ARFIP1: variants seen among roughly 807,000 people sequenced by gnomAD.
The protein encoded by ARFIP1 is arfaptin-1.
A neutral mutation model predicts 42.5 loss-of-function variants in ARFIP1; 24 were observed. That is an observed-to-expected ratio of 0.57 (90% confidence interval 0.41 to 0.80). ARFIP1 has a LOEUF of 0.80. Ranked by LOEUF, ARFIP1 falls within the 30% of genes least tolerant of loss-of-function variation. The pLI is 0.00. For synonymous variants in ARFIP1, 141 were observed against 153.7 expected, an observed-to-expected ratio of 0.92 and a Z score of 0.61; for missense variants, 354 against 434.0, an observed-to-expected ratio of 0.82 and a Z score of 1.64.
chr4:152,882,563 G>T (rs1285090216), intron 6 of ARFIP1, among the ~76,000 whole-genome samples, 160 bp from the exon 7 acceptor site: 4 of 152,152 alleles, frequency 2.6e-5, no homozygotes, highest in African/African-American at 7.2e-5. Context: ...TATATGGCTA[G>T]CTGTGATTTC....
intron 8 of ARFIP1, among the ~76,000 whole-genome samples, chr4:152,899,360 C>G (rs1272388923): frequency 6.6e-6 from 1 of 152,194 alleles, no homozygotes; most frequent in African/African-American, 2.4e-5. Context: ...CTACCCCTAA[C>G]TGTAACTATG....
intron 1 of ARFIP1, among the ~76,000 whole-genome samples, chr4:152,804,500 A>ATAAT (rs1554022307): frequency 9.1e-4 from 111 of 121,480 alleles, no homozygotes; most frequent in East Asian, 1.7e-3. Flanking sequence ...ATATATATAT[A>ATAAT]ATATATATAT....
intron 8 of ARFIP1, among the ~76,000 whole-genome samples, chr4:152,905,550 T>TTTTTTTTTTTG (rs1738265490): frequency 1.9e-5 from 2 of 105,224 alleles, no homozygotes; most frequent in Admixed American, 1.0e-4. Flanking sequence ...GAATTGTTTT[T>TTTTTTTTTTTG]TTTTTTTTTT....
intron 3 of ARFIP1, among the ~76,000 whole-genome samples, chr4:152,865,922 G>T (rs1182171971): frequency 6.6e-6 from 1 of 151,976 alleles, no homozygotes; most frequent in Non-Finnish European, 1.5e-5. Flanking sequence ...CGCAGAGGGG[G>T]ATTTGGCAGG....
chr4:152,853,402 T>A (rs1481435457), intron 2 of ARFIP1, among the ~76,000 whole-genome samples: 1 of 152,216 alleles, frequency 6.6e-6, no homozygotes, highest in East Asian at 1.9e-4. Context: ...TGGGAAAGAC[T>A]TTATTTCTCC....
At chr4:152,823,844 G>T (rs955690446) in intron 1 of ARFIP1, among the ~76,000 whole-genome samples, 5 of 144,570 alleles carry the variant, frequency 3.5e-5, no homozygotes, top group Non-Finnish European at 7.5e-5. Flanking sequence ...CCAAAAACTC[G>T]AGAAGGAGGG....
intron 7 of ARFIP1, among the ~76,000 whole-genome samples, chr4:152,884,924 T>G (rs1037767704): frequency 2.0e-5 from 3 of 152,112 alleles, no homozygotes; most frequent in African/African-American, 7.2e-5. Flanking sequence ...ACTTGGTGGC[T>G]GGTTTCTTAA....
At chr4:152,864,344 A>C (rs900618577) in intron 3 of ARFIP1, among the ~76,000 whole-genome samples, 3 of 152,204 alleles carry the variant, frequency 2.0e-5, no homozygotes, top group Non-Finnish European at 4.4e-5. Context: ...CAAATCAGCA[A>C]TTTGCTAGGA....
At chr4:152,852,510 A>G (rs780274619) in intron 2 of ARFIP1, among the ~76,000 whole-genome samples, 2 of 151,972 alleles carry the variant, frequency 1.3e-5, no homozygotes, top group East Asian at 1.9e-4. Flanking sequence ...GCGTGTGCCT[A>G]TATTCCCAGC....
At chr4:152,895,541 T>G (rs2149904037) in intron 8 of ARFIP1, among the ~76,000 whole-genome samples, 1 of 144,808 alleles carries the variant, frequency 6.9e-6, no homozygotes, top group East Asian at 2.1e-4. Flanking sequence ...TACATGCCAC[T>G]GCACTTGGCC....
intron 1 of ARFIP1, among the ~76,000 whole-genome samples, chr4:152,813,441 T>G (rs1729628722): frequency 6.6e-6 from 1 of 152,178 alleles, no homozygotes; most frequent in Admixed American, 6.5e-5. Flanking sequence ...GCGTTTTTCC[T>G]CTCCTCCTCT....
intron 1 of ARFIP1, among the ~76,000 whole-genome samples, chr4:152,804,997 G>T (rs1728889974): frequency 6.6e-6 from 1 of 152,166 alleles, no homozygotes; most frequent in Non-Finnish European, 1.5e-5. Context: ...AAGGCTGAAT[G>T]AAATGATTTA....
chr4:152,887,950 CTTAT>C (rs1158534028), intron 7 of ARFIP1, among the ~76,000 whole-genome samples, 179 bp from the exon 8 acceptor site: 4 of 151,974 alleles, frequency 2.6e-5, no homozygotes, highest in Non-Finnish European at 4.4e-5. Context: ...CAGCTTTGTT[CTTAT>C]TTAAATAGCT....
chr4:152,899,837 A>G (rs1204537673), intron 8 of ARFIP1, among the ~76,000 whole-genome samples: 3 of 152,188 alleles, frequency 2.0e-5, no homozygotes, highest in Non-Finnish European at 4.4e-5. Flanking sequence ...TATAATACCT[A>G]TATCTGTATA....
chr4:152,829,781 T>C (rs1057460787), intron 2 of ARFIP1, 55 bp downstream of exon 2: 13 of 1,363,762 alleles, frequency 9.5e-6, no homozygotes, highest in Non-Finnish European at 1.3e-5. Flanking sequence ...TCTTTAAATG[T>C]TGAGATGAAA....
intron 2 of ARFIP1, among the ~76,000 whole-genome samples, chr4:152,835,591 T>C (rs2149851278): frequency 6.6e-6 from 1 of 152,276 alleles, no homozygotes; most frequent in Admixed American, 6.5e-5. Flanking sequence ...TCCTTCACCT[T>C]CCTGTCTTCT....
chr4:152,872,425 G>T, intron 4 of ARFIP1, 27 bp from the exon 5 acceptor site: 2 of 1,426,748 alleles, frequency 1.4e-6, no homozygotes, highest in Non-Finnish European at 2.0e-6. Context: ...CATCTGGATT[G>T]TGTTTTTATC....
At chr4:152,870,911 C>T (rs570790909) in intron 4 of ARFIP1, 63 bp downstream of exon 4, 4 of 1,376,544 alleles carry the variant, frequency 2.9e-6, no homozygotes, top group East Asian at 4.7e-5. Flanking sequence ...CTAATTTACT[C>T]AGTTTCATAA....
At chr4:152,869,674 C>G (rs1734712081) in intron 3 of ARFIP1, among the ~76,000 whole-genome samples, 3 of 152,176 alleles carry the variant, frequency 2.0e-5, no homozygotes, top group African/African-American at 7.2e-5. Flanking sequence ...AGCAATCCAT[C>G]TGCCTCTGCC....
Sources: allele counts gnomAD v4.1 joint callset (sites outside exome capture counted in the v4.1 genomes callset), GRCh38; gene constraint gnomAD v4.1.1; transcripts MANE v1.5; gene names NCBI Gene and HGNC (gene_info 2026-07-23, HGNC 2026-07-21).